The following SLC35G2 variants were observed in gnomAD, a reference collection of about 807,000 sequenced individuals.
SLC35G2 encodes transmembrane protein 22.
SLC35G2 carries 20 observed loss-of-function variants against 27.2 expected under a neutral mutation model. The observed-to-expected ratio is 0.74, with a 90% CI of 0.52 to 1.07. SLC35G2 has a LOEUF of 1.07. Among genes scored for constraint, SLC35G2 ranks in the 50% least tolerant of loss-of-function variants. The pLI is 0.00. For missense variants in SLC35G2, 416 were observed against 493.3 expected (o/e 0.84, Z 1.48); for synonymous variants, 148 against 165.3 (o/e 0.90, Z 0.80).
intron 1 of SLC35G2, among the ~76,000 whole-genome samples, chr3:136,834,291 G>A (rs1250943029): frequency 6.6e-6 from 1 of 152,158 alleles, no homozygotes; most frequent in Non-Finnish European, 1.5e-5. Context: ...GGAGAAAAGT[G>A]AGCCAGAGTC....
chr3:136,848,937 T>C (rs1378567866), intron 1 of SLC35G2, among the ~76,000 whole-genome samples: 2 of 152,144 alleles, frequency 1.3e-5, no homozygotes, highest in African/African-American at 2.4e-5. Flanking sequence ...CTCAGCACTT[T>C]GGGAGGCTGA....
At chr3:136,839,299 C>T (rs1314470788) in intron 1 of SLC35G2, among the ~76,000 whole-genome samples, 1 of 152,232 alleles carries the variant, frequency 6.6e-6, no homozygotes, top group Admixed American at 6.5e-5. Flanking sequence ...AAGTTCTTAG[C>T]TGCCAGCCAA....
chr3:136,829,177 A>G (rs368340517), intron 1 of SLC35G2, among the ~76,000 whole-genome samples: 9 of 151,320 alleles, frequency 5.9e-5, no homozygotes, highest in Admixed American at 2.0e-4. Context: ...ATAATATTCT[A>G]TGTTTTTCTA....
At chr3:136,845,840 C>T (rs1225574249) in intron 1 of SLC35G2, among the ~76,000 whole-genome samples, 7 of 151,374 alleles carry the variant, frequency 4.6e-5, no homozygotes, top group South Asian at 2.1e-4. Context: ...GTGATCTGCC[C>T]GCCTCGGCCT....
intron 1 of SLC35G2, among the ~76,000 whole-genome samples, chr3:136,840,387 T>C (rs1937034026): frequency 6.6e-6 from 1 of 152,132 alleles, no homozygotes; most frequent in Non-Finnish European, 1.5e-5. Flanking sequence ...CAAAGAGCAT[T>C]ATCACCACTG....
intron 1 of SLC35G2, among the ~76,000 whole-genome samples, chr3:136,829,668 G>A (rs1936674534): frequency 6.6e-6 from 1 of 151,454 alleles, no homozygotes; most frequent in Admixed American, 6.6e-5. Flanking sequence ...CATGCTTGAA[G>A]GATATTTGCA....
At chr3:136,824,287 A>G (rs1936533020) in intron 1 of SLC35G2, among the ~76,000 whole-genome samples, 2 of 152,118 alleles carry the variant, frequency 1.3e-5, no homozygotes, top group Non-Finnish European at 2.9e-5. Context: ...CAGGAATTTC[A>G]TTAAATCTAT....
At chr3:136,826,590 A>G (rs1282293280) in intron 1 of SLC35G2, among the ~76,000 whole-genome samples, 2 of 152,076 alleles carry the variant, frequency 1.3e-5, no homozygotes, top group Non-Finnish European at 2.9e-5. Flanking sequence ...GATCCTTTGA[A>G]TTTCTGTGGT....
intron 1 of SLC35G2, among the ~76,000 whole-genome samples, chr3:136,835,626 T>C (rs1302029258): frequency 6.6e-6 from 1 of 152,242 alleles, no homozygotes; most frequent in Non-Finnish European, 1.5e-5. Flanking sequence ...TTTATGATTC[T>C]TGCATAAACT....
intron 1 of SLC35G2, among the ~76,000 whole-genome samples, chr3:136,827,721 A>G (rs1223468618): frequency 6.6e-6 from 1 of 152,098 alleles, no homozygotes; most frequent in Non-Finnish European, 1.5e-5. Context: ...CCTATTGGTC[A>G]TTCAGGAGCA....
chr3:136,820,564 A>G (rs1056256863), intron 1 of SLC35G2: 8 of 152,232 alleles, frequency 5.3e-5, no homozygotes, highest in African/African-American at 1.9e-4. Flanking sequence ...GAAAGTACAC[A>G]CCATGAGCGT....
intron 1 of SLC35G2, among the ~76,000 whole-genome samples, chr3:136,821,311 G>C (rs913990885): frequency 1.8e-4 from 28 of 151,810 alleles, no homozygotes; most frequent in African/African-American, 6.8e-4. Context: ...CATTATTAAG[G>C]GTTGCATAAT....
intron 1 of SLC35G2, among the ~76,000 whole-genome samples, chr3:136,845,380 CTG>C (rs1032512997): frequency 3.9e-5 from 6 of 152,144 alleles, no homozygotes; most frequent in South Asian, 2.1e-4. Context: ...TGTGGAATCA[CTG>C]TGGATTTGCT....
At chr3:136,832,469 C>A (rs956896572) in intron 1 of SLC35G2, among the ~76,000 whole-genome samples, 1 of 152,222 alleles carries the variant, frequency 6.6e-6, no homozygotes. Flanking sequence ...TAAAGCAAAT[C>A]TATAGTTAAT....
rs1005366367 is a variant in SLC35G2, at chr3:136,855,095, T to C, written c.635T>C (p.Leu212Ser). 1.1e-5 allele frequency: 18 copies of C among 1,614,104 alleles called. No individual in the cohort carries two copies. Among genetic ancestry groups the C allele is most frequent in the Non-Finnish European group, 1.3e-5 (15 of 1,180,052 alleles). Residue 212 changes from leucine to serine, a missense_variant, in exon 2 of 2, where the codon TTA becomes TCA. Transcript: ENST00000446465. ...GTCTTCAGTGCCATTTTGGCTTTTT[T>C]ACTCGTAGATGAGAAAATGGCTTAT... Reference protein sequence around the residue: ...TTVFSAILAFLLVDEKMAYVD... With the variant: ...TTVFSAILAFSLVDEKMAYVD...
At chr3:136,846,594 A>G (rs1937389202) in intron 1 of SLC35G2, 1 of 152,240 alleles carries the variant, frequency 6.6e-6, no homozygotes, top group African/African-American at 2.4e-5. Context: ...TCTCTGAGGA[A>G]GGAGGAAAAG....
chr3:136,824,751 T>G (rs1378054786), intron 1 of SLC35G2, among the ~76,000 whole-genome samples: 1 of 152,222 alleles, frequency 6.6e-6, no homozygotes, highest in African/African-American at 2.4e-5. Flanking sequence ...TTTCTTGCTT[T>G]TTTAAAAAAA....
At chr3:136,849,937 T>C (rs1576915410) in intron 1 of SLC35G2, among the ~76,000 whole-genome samples, 1 of 151,906 alleles carries the variant, frequency 6.6e-6, no homozygotes, top group Admixed American at 6.5e-5. Context: ...AAACCCCGTC[T>C]CTACCAAAAA....
intron 1 of SLC35G2, among the ~76,000 whole-genome samples, chr3:136,848,114 T>C (rs796077900): frequency 8.5e-5 from 13 of 152,316 alleles, no homozygotes; most frequent in African/African-American, 3.1e-4. Context: ...GTTTGGAGTC[T>C]CTGAATTTAA....
Sources: gnomAD v4.1 joint callset for allele counts (sites outside exome capture counted in the v4.1 genomes callset) on GRCh38, gnomAD v4.1.1 for gene constraint, MANE v1.5 for transcripts, NCBI Gene and HGNC (gene_info 2026-07-23, HGNC 2026-07-21) for gene names.